ZBTB10: variants seen among roughly 807,000 people sequenced by gnomAD.
ZBTB10 encodes zinc finger and BTB domain containing 10, also known as zinc finger and BTB domain-containing protein 10.
In ZBTB10, 32 loss-of-function variants were observed where a neutral mutation model predicts 76.4. The ratio of observed to expected loss-of-function variants is 0.42; its 90% CI spans 0.32 to 0.56. The LOEUF (loss-of-function observed/expected upper bound fraction) is 0.56. Among genes scored for constraint, ZBTB10 ranks in the 20% least tolerant of loss-of-function variants. ZBTB10 has a pLI of 0.14. For missense variants in ZBTB10, 1,057 were observed against 1,098.5 expected, an observed-to-expected ratio of 0.96 and a Z score of 0.53; for synonymous variants, 523 against 432.9, an observed-to-expected ratio of 1.21 and a Z score of -2.58.
intron 2 of ZBTB10, among the ~76,000 whole-genome samples, chr8:80,506,522 T>G (rs1816056911): frequency 6.6e-6 from 1 of 150,998 alleles, no homozygotes; most frequent in South Asian, 2.1e-4. Context: ...TTTTTTCATG[T>G]TGGTGAGGCT....
intron 1 of ZBTB10, among the ~76,000 whole-genome samples, chr8:80,492,831 A>G (rs1815666365): frequency 1.3e-5 from 2 of 152,148 alleles, no homozygotes; most frequent in Admixed American, 6.5e-5. Flanking sequence ...AGAAGCTTGT[A>G]CAACTGATTC....
Position 80,486,337 on chromosome 8 carries a change from G to C in ZBTB10, c.-474G>C. ...CAGTTTAGCGTGCCTCTCACCCTCA[G>C]CGCCTGCGAAGCCGGCGGCGGCGTC... On this transcript the variant is annotated 5_prime_UTR_variant, in exon 1 of 6. Coordinates refer to ENST00000455036, the MANE Select transcript of ZBTB10 (RefSeq NM_001105539.3). 3 of 989,604 alleles carry C rather than the reference G, an allele frequency of 3.0e-6. No individual in the cohort carries two copies. Among genetic ancestry groups the C allele is most frequent in the Non-Finnish European group, 3.6e-6 (3 of 833,054 alleles). The allele number at this position is 989,604 out of a possible 1,614,324, so 61.3% of individuals were successfully genotyped here.
chr8:80,503,142 G>A (rs1235475904), intron 2 of ZBTB10, among the ~76,000 whole-genome samples: 2 of 152,110 alleles, frequency 1.3e-5, no homozygotes, highest in Non-Finnish European at 2.9e-5. Context: ...ACCCCCTGTA[G>A]TCCATGATCA....
intron 1 of ZBTB10, among the ~76,000 whole-genome samples, chr8:80,489,281 A>G (rs1195812036): frequency 6.6e-6 from 1 of 152,222 alleles, no homozygotes; most frequent in African/African-American, 2.4e-5. Flanking sequence ...TGCCAAACAC[A>G]TTTATTCTGC....
chr8:80,493,388 C>G (rs559720521), intron 1 of ZBTB10, among the ~76,000 whole-genome samples: 147 of 152,198 alleles, frequency 9.7e-4, no homozygotes, highest in Admixed American at 2.4e-3. Flanking sequence ...ATTGTCTTAA[C>G]AAATGGGCAA....
rs1171677646 is a variant in ZBTB10 at position 80,522,277 on chromosome 8, A to T, written c.*2749A>T. The T allele has an allele frequency of 6.6e-6, 1 of 151,888 alleles. No homozygotes were observed. Among genetic ancestry groups the T allele is most frequent in the Admixed American group, 6.6e-5 (1 of 15,232 alleles). The allele number at this position is 151,888 out of a possible 1,614,324, so 9.4% of individuals were successfully genotyped here. On this transcript the variant is annotated 3_prime_UTR_variant, in exon 6 of 6. Coordinates refer to ENST00000455036, the MANE Select transcript of ZBTB10 (RefSeq NM_001105539.3). ...CAGAGGTAACAATGAAATACTCATA[A>T]TTTTGTCTGTGGAACTCTGGCAGAA...
At chr8:80,516,841 G>A (rs1816336746) in intron 3 of ZBTB10, among the ~76,000 whole-genome samples, 3 of 152,174 alleles carry the variant, frequency 2.0e-5, no homozygotes, top group Admixed American at 6.5e-5. Context: ...ACATATATGG[G>A]AAGTGATTCT....
intron 2 of ZBTB10, among the ~76,000 whole-genome samples, chr8:80,503,965 T>C (rs551783950): frequency 1.3e-5 from 2 of 152,196 alleles, no homozygotes; most frequent in Non-Finnish European, 2.9e-5. Context: ...ATTTACTCTT[T>C]CCAGGCAAGT....
At chr8:80,513,843 A>T in intron 2 of ZBTB10, 67 bp from the exon 3 acceptor site, 1 of 1,223,062 alleles carries the variant, frequency 8.2e-7, no homozygotes, top group Non-Finnish European at 1.2e-6. Context: ...GTTCCAAGAA[A>T]GAGTGGTGTT....
In ZBTB10 at chr8:80,499,852, G is replaced by A; in HGVS notation, c.1331G>A (p.Ser444Asn). Residue 444 changes from serine to asparagine, a missense_variant, in exon 2 of 6, where the codon AGC (serine) becomes AAC (asparagine). Coordinates refer to ENST00000455036, the MANE Select transcript of ZBTB10 (RefSeq NM_001105539.3). ...QNAIEVMTVA[S>N]YLQMSEVVQT... ...GCCATTGAAGTTATGACCGTGGCCA[G>A]CTATCTTCAAATGAGTGAAGTTGTT... The A allele has an allele frequency of 6.2e-7, 1 of 1,613,944 alleles. No homozygotes were observed. The highest frequency in any genetic ancestry group is 8.5e-7 in the Non-Finnish European group (1 of 1,179,864).
At chr8:80,492,722 C>T (rs904197025) in intron 1 of ZBTB10, among the ~76,000 whole-genome samples, 1 of 151,910 alleles carries the variant, frequency 6.6e-6, no homozygotes, top group Non-Finnish European at 1.5e-5. Context: ...CGTGATCTGC[C>T]CACCTCGGCC....
chr8:80,495,991 T>C (rs540538908), intron 1 of ZBTB10, among the ~76,000 whole-genome samples: 1 of 152,368 alleles, frequency 6.6e-6, no homozygotes, highest in Non-Finnish European at 1.5e-5. Context: ...CTGAGCTAAT[T>C]GTGTTTTCCT....
Position 80,499,820 on chromosome 8 carries a change from C to T in ZBTB10, c.1299C>T (p.Ser433=). 6.2e-7 allele frequency: 1 copy of T among 1,613,938 alleles called. No individual in the cohort carries two copies. Among genetic ancestry groups the T allele is most frequent in the African/African-American group, 1.3e-5 (1 of 75,034 alleles). ...FLYSGNLVLT[S]QNAIEVMTVA... Reference sequence around the variant, plus strand: ...ATTCTGGTAACCTGGTGCTCACAAGCCAAAATGCCATTGAAGTTATGACCG... The same window carrying T: ...ATTCTGGTAACCTGGTGCTCACAAGTCAAAATGCCATTGAAGTTATGACCG... The change falls in exon 2 of 6, where the codon AGC becomes AGT. Residue 433 remains serine, a synonymous_variant. Transcript: ENST00000455036.
Position 80,522,515 on chromosome 8 carries a change from A to T in ZBTB10, c.*2987A>T, listed in dbSNP as rs974295351. ...CCTGTTCATTTTTCTTATTTACTAG[A>T]TATTTTGCTAAATTTAGCACACTAG... is the stretch of plus-strand genomic sequence containing the variant. On this transcript the variant is annotated 3_prime_UTR_variant, in exon 6 of 6. Transcript: ENST00000455036. 2 of 151,914 alleles carry T rather than the reference A, an allele frequency of 1.3e-5. No homozygotes were observed. Among genetic ancestry groups the T allele is most frequent in the East Asian group, 1.9e-4 (1 of 5,200 alleles). 9.4% of individuals were successfully genotyped at this position (151,914 alleles called of 1,614,324 possible).
rs1319455736 is a variant in ZBTB10 at position 80,487,036 on chromosome 8, G to T, written c.226G>T (p.Asp76Tyr). ...EVELEGLEPQ[D>Y]LEASAGPAAG... is the part of the protein sequence containing the mutation. Reference sequence around the variant, plus strand: ...GGAATTGGAGGGCCTGGAGCCCCAAGACCTGGAGGCCTCCGCCGGGCCGGC... The same window carrying T: ...GGAATTGGAGGGCCTGGAGCCCCAATACCTGGAGGCCTCCGCCGGGCCGGC... The change falls in exon 1 of 6, where the codon GAC becomes TAC. Residue 76 changes from aspartate (D) to tyrosine (Y), a missense_variant. By Grantham distance (160) the Asp-to-Tyr change is radical. Transcript: ENST00000455036. 6.6e-7 allele frequency: 1 copy of T among 1,520,412 alleles called. No individual in the cohort carries two copies. The highest frequency in any genetic ancestry group is 1.4e-5 in the African/African-American group (1 of 69,994). The allele number at this position is 1,520,412 out of a possible 1,614,324, so 94.2% of individuals were successfully genotyped here. A position where few individuals can be genotyped will look rare whatever the true frequency, so the allele number is the denominator to read the frequency against.
At chr8:80,489,249 T>C (rs975731075) in intron 1 of ZBTB10, among the ~76,000 whole-genome samples, 36 of 152,246 alleles carry the variant, frequency 2.4e-4, no homozygotes, top group African/African-American at 8.7e-4. Context: ...GAAATGGAAC[T>C]AACAGCTCCT....
chr8:80,515,795 A>C (rs1816311985), intron 3 of ZBTB10, among the ~76,000 whole-genome samples: 1 of 152,198 alleles, frequency 6.6e-6, no homozygotes, highest in African/African-American at 2.4e-5. Context: ...CTATTGTGGA[A>C]TAATGTACCC....
intron 2 of ZBTB10, among the ~76,000 whole-genome samples, chr8:80,508,100 A>G (rs573812889): frequency 2.4e-4 from 36 of 152,300 alleles, no homozygotes; most frequent in African/African-American, 8.4e-4. Flanking sequence ...AGAAGTGGCT[A>G]CACTGTTGAT....
At chr8:80,485,759 G>A, upstream of ZBTB10, 1 of 1,530,424 alleles carries the variant, frequency 6.5e-7, no homozygotes, top group Non-Finnish European at 8.7e-7. Context: ...TCACTTCCTT[G>A]GGCACCGCCA....
Sources: gnomAD v4.1 joint callset for allele counts (sites outside exome capture counted in the v4.1 genomes callset) on GRCh38, gnomAD v4.1.1 for gene constraint, MANE v1.5 for transcripts, NCBI Gene and HGNC (gene_info 2026-07-23, HGNC 2026-07-21) for gene names.